SIDT1: variants seen among roughly 807,000 people sequenced by gnomAD.
SIDT1 encodes the protein SID1 transmembrane family member 1, also known as SID1 transmembrane family, member 1.
A neutral mutation model predicts 107.5 loss-of-function variants in SIDT1; 101 were observed. The ratio of observed to expected loss-of-function variants is 0.94; its 90% confidence interval spans 0.80 to 1.11. The LOEUF (loss-of-function observed/expected upper bound fraction) is 1.11. Among genes scored for constraint, SIDT1 ranks in the 50% least tolerant of loss-of-function variants. The probability of loss-of-function intolerance (pLI) is 0.00; values close to 1 mark genes in which losing one functional copy is unlikely to be tolerated. For missense variants in SIDT1, 1,076 were observed against 1,058.2 expected, an observed-to-expected ratio of 1.02 and a Z score of -0.23; for synonymous variants, 395 against 398.2, an observed-to-expected ratio of 0.99 and a Z score of 0.10.
chr3:113,544,380 T>C (rs9854538), intron 1 of SIDT1, among the ~76,000 whole-genome samples: 27,846 of 151,974 alleles, frequency 0.18, 3,818 homozygotes, highest in African/African-American at 0.39. Context: ...TAGTAGAGAC[T>C]GGGGTTTCAC....
At chr3:113,574,896 G>A (rs1031052024) in intron 3 of SIDT1, among the ~76,000 whole-genome samples, 4 of 152,042 alleles carry the variant, frequency 2.6e-5, no homozygotes, top group Admixed American at 6.6e-5. Context: ...GCTTCAGTTA[G>A]CTTTGTTCTG....
intron 19 of SIDT1, among the ~76,000 whole-genome samples, chr3:113,614,236 G>A (rs1041597711): frequency 6.6e-6 from 1 of 152,190 alleles, no homozygotes; most frequent in African/African-American, 2.4e-5. Flanking sequence ...TGTCCCTGCA[G>A]TCTCCTGCCG....
At position 113,623,715 on chromosome 3, in the gene SIDT1, G is replaced by T; in HGVS notation, c.2289G>T (p.Gln763His). Residue 763 changes from glutamine (Q) to histidine (H), a missense_variant, in exon 23 of 25, where the codon CAG becomes CAT. Transcript: ENST00000264852. ...MWAAALYFFF[Q>H]NLSSWEGTPA... is the part of the protein sequence containing the mutation. ...CTGCCGCCCTATATTTTTTCTTCCA[G>T]AATCTCAGCAGCTGGGAGGTAAGAG... 1 of 1,613,634 alleles carries T rather than the reference G, an allele frequency of 6.2e-7. No individual in the cohort carries two copies. The highest frequency in any genetic ancestry group is 8.5e-7 in the Non-Finnish European group (1 of 1,179,692).
chr3:113,545,172 A>G (rs536269338), intron 1 of SIDT1, among the ~76,000 whole-genome samples: 1 of 151,134 alleles, frequency 6.6e-6, no homozygotes, highest in Non-Finnish European at 1.5e-5. Flanking sequence ...ACTTGATACT[A>G]CGTAAATATC....
intron 1 of SIDT1, among the ~76,000 whole-genome samples, chr3:113,547,563 T>C (rs1398733): frequency 0.039 from 5,865 of 152,238 alleles, 205 homozygotes; most frequent in African/African-American, 0.095. Flanking sequence ...CTGATTTTTG[T>C]ACAAGATTGA....
At chr3:113,591,375 C>A (rs1257366074) in intron 9 of SIDT1, among the ~76,000 whole-genome samples, 2 of 151,996 alleles carry the variant, frequency 1.3e-5, no homozygotes, top group Non-Finnish European at 2.9e-5. Flanking sequence ...AATTAATCTA[C>A]AAATTCAACA....
At chr3:113,534,910 G>A (rs1041447463) in intron 1 of SIDT1, among the ~76,000 whole-genome samples, 58 of 152,194 alleles carry the variant, frequency 3.8e-4, no homozygotes, top group Non-Finnish European at 1.2e-4. Context: ...TAAACCTTGA[G>A]ATATTGAGGG....
intron 14 of SIDT1, among the ~76,000 whole-genome samples, chr3:113,606,118 T>C (rs1216729649): frequency 6.6e-6 from 1 of 151,664 alleles, no homozygotes; most frequent in African/African-American, 2.4e-5. Context: ...AAAAATAATA[T>C]GAAAGTAGTT....
chr3:113,564,387 T>G (rs1181902117), intron 1 of SIDT1, among the ~76,000 whole-genome samples: 1 of 152,240 alleles, frequency 6.6e-6, no homozygotes, highest in Non-Finnish European at 1.5e-5. Flanking sequence ...TTGGGGTAAA[T>G]CTGAAAATTC....
At chr3:113,538,628 A>G (rs1938458871) in intron 1 of SIDT1, among the ~76,000 whole-genome samples, 1 of 152,218 alleles carries the variant, frequency 6.6e-6, no homozygotes, top group African/African-American at 2.4e-5. Flanking sequence ...TACCATTTTA[A>G]TGTAGTTACC....
intron 3 of SIDT1, 104 bp from the exon 4 acceptor site, chr3:113,576,818 A>G (rs1942940430): frequency 1.3e-5 from 15 of 1,196,284 alleles, no homozygotes; most frequent in Non-Finnish European, 1.9e-5. Flanking sequence ...GCTCTCCTTG[A>G]GTCTACTTTA....
intron 1 of SIDT1, among the ~76,000 whole-genome samples, chr3:113,557,886 G>A (rs1054571680): frequency 2.6e-5 from 4 of 152,158 alleles, no homozygotes; most frequent in African/African-American, 7.2e-5. Flanking sequence ...CTTTTCCAGG[G>A]CAGAGAAATG....
chr3:113,543,949 G>A lies in SIDT1; in HGVS notation c.222+10706G>A, dbSNP rs1200297576. On this transcript the variant is annotated intron_variant, in intron 1 of 24. Coordinates refer to ENST00000264852, the MANE Select transcript of SIDT1 (RefSeq NM_017699.3). The stretch of plus-strand genomic sequence containing the variant: ...TCAGTGTATATTTCTTTTGAATAAG[G>A]GCTTTTTCTTATATAGCCATTGAAC... Among the ~76,000 whole-genome samples the A allele has an allele frequency of 2.0e-5, 3 of 151,974 alleles. No homozygotes were observed. In the East Asian group the frequency reaches 5.8e-4, roughly 29 times the overall value.
In SIDT1 at chr3:113,534,497, G is replaced by A. The variant is rs1937872367; in HGVS notation, c.222+1254G>A. Reference sequence around the variant, plus strand: ...TAACCTTCAGGTTATATGTTCTGTAGTGAGCAGAGTGGCTGTATGCAGAGC... The same window carrying A: ...TAACCTTCAGGTTATATGTTCTGTAATGAGCAGAGTGGCTGTATGCAGAGC... On this transcript the variant is annotated intron_variant, in intron 1 of 24. Coordinates refer to ENST00000264852, the MANE Select transcript of SIDT1 (RefSeq NM_017699.3). Among the ~76,000 whole-genome samples the A allele has an allele frequency of 2.0e-5, 3 of 152,222 alleles. No homozygotes were observed. The South Asian group carries it at 6.2e-4, about 32-fold the overall frequency.
At chr3:113,595,441 G>A (rs750565982) in intron 10 of SIDT1, among the ~76,000 whole-genome samples, 33 of 152,080 alleles carry the variant, frequency 2.2e-4, no homozygotes, top group African/African-American at 3.6e-4. Context: ...TTAGGTGGGC[G>A]TGGTGGTGTG....
intron 19 of SIDT1, among the ~76,000 whole-genome samples, chr3:113,612,956 A>G (rs1423755525): frequency 2.0e-5 from 3 of 152,236 alleles, no homozygotes; most frequent in African/African-American, 7.2e-5. Flanking sequence ...GTGTAAGAAC[A>G]TCAAAGTCAT....
intron 1 of SIDT1, among the ~76,000 whole-genome samples, chr3:113,537,596 A>T (rs1938320938): frequency 2.0e-5 from 3 of 152,178 alleles, no homozygotes; most frequent in African/African-American, 7.2e-5. Context: ...GGAAAGACTC[A>T]TCTCATTAGC....
chr3:113,585,406 G>C, intron 9 of SIDT1, 136 bp downstream of exon 9: 1 of 675,942 alleles, frequency 1.5e-6, no homozygotes, highest in Non-Finnish European at 2.6e-6. Flanking sequence ...GATACCTTGT[G>C]ACCTTGGAGA....
chr3:113,606,907 T>C (rs1945373499), intron 14 of SIDT1, 134 bp from the exon 15 acceptor site: 1 of 652,548 alleles, frequency 1.5e-6, no homozygotes, highest in Non-Finnish European at 2.8e-6. Flanking sequence ...GGCCCATCTG[T>C]GCAGAGGAGC....
Sources: allele counts gnomAD v4.1 joint callset (sites outside exome capture counted in the v4.1 genomes callset), GRCh38; gene constraint gnomAD v4.1.1; transcripts MANE v1.5; gene names NCBI Gene and HGNC (gene_info 2026-07-23, HGNC 2026-07-21).